Variants in HERC4 observed in about 807,000 individuals in gnomAD.
The protein encoded by HERC4 is probable E3 ubiquitin-protein ligase HERC4.
HERC4 carries 28 observed loss-of-function variants against 124.3 expected under a neutral mutation model. The observed-to-expected ratio is 0.23, with a 90% CI of 0.17 to 0.31. The LOEUF (loss-of-function observed/expected upper bound fraction) is 0.31, where lower values mean the gene tolerates loss of function less well. Ranked by LOEUF, HERC4 falls within the 10% of genes least tolerant of loss-of-function variation. HERC4 has a pLI of 1.00. For missense variants in HERC4, 713 were observed against 1,229.3 expected (o/e 0.58, Z 6.28); for synonymous variants, 407 against 421.5 (o/e 0.97, Z 0.42).
intron 9 of HERC4, among the ~76,000 whole-genome samples, chr10:68,012,738 T>C (rs1011489648): frequency 1.3e-5 from 2 of 152,184 alleles, no homozygotes; most frequent in African/African-American, 2.4e-5. Flanking sequence ...ATATATGCTG[T>C]TGGAAAAATG....
intron 19 of HERC4, among the ~76,000 whole-genome samples, chr10:67,951,529 AC>A (rs1288792721): frequency 6.6e-6 from 1 of 152,162 alleles, no homozygotes; most frequent in East Asian, 1.9e-4. Context: ...CTCACAATCT[AC>A]CATTTGGAAA....
intron 9 of HERC4, among the ~76,000 whole-genome samples, chr10:67,996,886 G>A (rs2036917042): frequency 6.6e-6 from 1 of 152,036 alleles, no homozygotes; most frequent in African/African-American, 2.4e-5. Flanking sequence ...TACTTGGGAG[G>A]CTGAGGCAGG....
At chr10:68,069,451 T>C in intron 3 of HERC4, 1 of 985,280 alleles carries the variant, frequency 1.0e-6, no homozygotes, top group Non-Finnish European at 1.2e-6. Flanking sequence ...GAACATAATC[T>C]GCACCTTTAG....
chr10:67,997,139 T>A (rs1477449176), intron 9 of HERC4, among the ~76,000 whole-genome samples: 2 of 152,186 alleles, frequency 1.3e-5, no homozygotes, highest in African/African-American at 4.8e-5. Flanking sequence ...TTTTCCTCAG[T>A]TTATACCTGA....
chr10:67,963,853 A>C (rs573083505), intron 16 of HERC4, among the ~76,000 whole-genome samples: 1 of 152,200 alleles, frequency 6.6e-6, no homozygotes. Flanking sequence ...TATTATGCCC[A>C]TAATGCAAAA....
At chr10:68,056,351 T>A (rs1190718445) in intron 3 of HERC4, among the ~76,000 whole-genome samples, 1 of 152,206 alleles carries the variant, frequency 6.6e-6, no homozygotes, top group Admixed American at 6.5e-5. Context: ...GATCATGTGT[T>A]CATTCAACAA....
At chr10:68,027,781 G>C (rs1460297661) in intron 7 of HERC4, among the ~76,000 whole-genome samples, 2 of 151,814 alleles carry the variant, frequency 1.3e-5, no homozygotes, top group African/African-American at 4.8e-5. Flanking sequence ...AAATTAGCTG[G>C]GCGTAGTGGT....
chr10:68,044,344 T>C, intron 4 of HERC4, 60 bp downstream of exon 4: 1 of 1,520,446 alleles, frequency 6.6e-7, no homozygotes, highest in Non-Finnish European at 8.9e-7. Context: ...CAGAACAATT[T>C]AGATTAACAA....
intron 15 of HERC4, among the ~76,000 whole-genome samples, chr10:67,982,667 C>T (rs2036001746): frequency 6.6e-6 from 1 of 152,014 alleles, no homozygotes; most frequent in Non-Finnish European, 1.5e-5. Flanking sequence ...AGGAAACAGT[C>T]AACAAACAGA....
chr10:68,073,317 T>C (rs2041658407), intron 2 of HERC4, 131 bp from the exon 3 acceptor site: 1 of 466,680 alleles, frequency 2.1e-6, no homozygotes, highest in Admixed American at 3.9e-5. Flanking sequence ...TACATAAGTA[T>C]CATTCAGTTT....
At chr10:68,059,985 G>T (rs915698542) in intron 3 of HERC4, among the ~76,000 whole-genome samples, 1 of 135,620 alleles carries the variant, frequency 7.4e-6, no homozygotes, top group Non-Finnish European at 1.5e-5. Context: ...TAATAATTTG[G>T]TTTCTTTTCT....
intron 7 of HERC4, among the ~76,000 whole-genome samples, chr10:68,028,337 C>T (rs993553464): frequency 1.3e-5 from 2 of 151,680 alleles, no homozygotes; most frequent in East Asian, 1.9e-4. Flanking sequence ...GAGAAGATCA[C>T]TACAAAAATT....
chr10:67,949,834 A>G (rs762948573), intron 19 of HERC4, among the ~76,000 whole-genome samples: 2 of 152,290 alleles, frequency 1.3e-5, no homozygotes, highest in South Asian at 4.1e-4. Flanking sequence ...CCTGGCCAAC[A>G]TGGTGAAACC....
At chr10:68,072,444 A>T (rs1041782135) in intron 3 of HERC4, among the ~76,000 whole-genome samples, 2 of 152,204 alleles carry the variant, frequency 1.3e-5, no homozygotes, top group Non-Finnish European at 2.9e-5. Flanking sequence ...GGATAAAAAG[A>T]ATAAAAATAT....
intron 3 of HERC4, among the ~76,000 whole-genome samples, chr10:68,060,812 T>G (rs1043510626): frequency 6.6e-6 from 1 of 152,112 alleles, no homozygotes; most frequent in African/African-American, 2.4e-5. Flanking sequence ...AATCTATAGC[T>G]AAGCAATACT....
intron 4 of HERC4, chr10:68,040,545 T>C (rs1375539733): frequency 1.8e-6 from 1 of 560,636 alleles, no homozygotes; most frequent in Non-Finnish European, 2.3e-6. Flanking sequence ...ATAAAAAAGA[T>C]AATGTGTTTA....
chr10:67,941,741 T>G (rs1026922881), intron 19 of HERC4, among the ~76,000 whole-genome samples: 3 of 146,920 alleles, frequency 2.0e-5, no homozygotes, highest in Non-Finnish European at 4.5e-5. Flanking sequence ...TGCAGTGGTG[T>G]GATCTCTGCT....
At chr10:68,028,871 A>T (rs2039041064) in intron 7 of HERC4, among the ~76,000 whole-genome samples, 1 of 152,136 alleles carries the variant, frequency 6.6e-6, no homozygotes, top group African/African-American at 2.4e-5. Context: ...ATTTGCTATT[A>T]GCAAATTTAC....
At chr10:67,976,749 A>G (rs1003972389) in intron 15 of HERC4, among the ~76,000 whole-genome samples, 2 of 152,148 alleles carry the variant, frequency 1.3e-5, no homozygotes, top group Non-Finnish European at 2.9e-5. Context: ...CGGGGAGAGA[A>G]AGAATGCAGC....
Sources: gnomAD v4.1 joint callset for allele counts (sites outside exome capture counted in the v4.1 genomes callset) on GRCh38, gnomAD v4.1.1 for gene constraint, MANE v1.5 for transcripts, NCBI Gene and HGNC (gene_info 2026-07-23, HGNC 2026-07-21) for gene names.